Variants in RPH3A observed in about 807,000 individuals in gnomAD.
RPH3A encodes rabphilin-3A.
RPH3A carries 48 observed loss-of-function variants against 102.2 expected under a neutral mutation model. The observed-to-expected ratio is 0.47, with a 90% confidence interval of 0.37 to 0.60. The LOEUF (loss-of-function observed/expected upper bound fraction) is 0.60, where lower values mean the gene tolerates loss of function less well. RPH3A is among the 20% of genes least tolerant of loss of function. The pLI is 0.00. For synonymous variants in RPH3A, 310 were observed against 324.3 expected (o/e 0.96, Z 0.47); for missense variants, 781 against 910.1 (o/e 0.86, Z 1.83).
At chr12:112,729,877 G>A in intron 1 of RPH3A, among the ~76,000 whole-genome samples, 1 of 152,198 alleles carries the variant, frequency 6.6e-6, no homozygotes, top group East Asian at 1.9e-4. Context: ...ATACCTCAGA[G>A]TGTGACCTTA....
At chr12:112,731,771 T>C (rs1309039731) in intron 1 of RPH3A, among the ~76,000 whole-genome samples, 1 of 152,222 alleles carries the variant, frequency 6.6e-6, no homozygotes, top group Non-Finnish European at 1.5e-5. Context: ...TGACATTTAA[T>C]TATGGAGACA....
At chr12:112,665,820 T>C (rs1392062550) in intron 1 of RPH3A, among the ~76,000 whole-genome samples, 1 of 152,208 alleles carries the variant, frequency 6.6e-6, no homozygotes, top group African/African-American at 2.4e-5. Flanking sequence ...TGAATTCATT[T>C]GATAAAAAGG....
intron 13 of RPH3A, among the ~76,000 whole-genome samples, chr12:112,877,875 C>T (rs2042835569): frequency 1.3e-5 from 2 of 152,262 alleles, no homozygotes; most frequent in South Asian, 4.1e-4. Flanking sequence ...TTGTGCTGGG[C>T]ACTATTCTGA....
At chr12:112,873,423 T>A (rs1593111974) in intron 10 of RPH3A, among the ~76,000 whole-genome samples, 1 of 152,338 alleles carries the variant, frequency 6.6e-6, no homozygotes, top group East Asian at 1.9e-4. Flanking sequence ...AGCAGCTCAG[T>A]AAAACAAATT....
At chr12:112,685,412 G>A (rs2040256463) in intron 1 of RPH3A, among the ~76,000 whole-genome samples, 1 of 152,190 alleles carries the variant, frequency 6.6e-6, no homozygotes, top group African/African-American at 2.4e-5. Flanking sequence ...GTAAGTCTCA[G>A]CCACTGTGGC....
At chr12:112,726,697 A>T (rs751065294) in intron 1 of RPH3A, among the ~76,000 whole-genome samples, 1 of 152,200 alleles carries the variant, frequency 6.6e-6, no homozygotes, top group Admixed American at 6.5e-5. Flanking sequence ...ATTTTATCTC[A>T]AAGTATTTTA....
At chr12:112,652,593 C>T (rs1461019295) in intron 1 of RPH3A, among the ~76,000 whole-genome samples, 1 of 152,204 alleles carries the variant, frequency 6.6e-6, no homozygotes, top group Non-Finnish European at 1.5e-5. Context: ...AGGCTCTGAT[C>T]TTGGAGAGTC....
In RPH3A at chr12:112,727,598, C is replaced by T. The variant is rs146321734; in HGVS notation, c.-139-64545C>T. ...GAGAAAATGATAGGTGTTTCTTTCC[C>T]ATGGAAAGAAACTTAAACTTAAGTT... On this transcript the variant is annotated intron_variant, in intron 1 of 21. Transcript: ENST00000543106. Among the ~76,000 whole-genome samples, 1,221 of 149,466 alleles carry T rather than the reference C, an allele frequency of 8.2e-3. 62 individuals carry two copies. Among genetic ancestry groups the T allele is most frequent in the Admixed American group, 0.073 (1,091 of 14,908 alleles).
At chr12:112,895,589 CAGAG>C in intron 20 of RPH3A, 184 bp from the exon 21 acceptor site, 1 of 548,696 alleles carries the variant, frequency 1.8e-6, no homozygotes, top group Non-Finnish European at 3.3e-6. Context: ...CTTTGTTACA[CAGAG>C]TGTTTGTTGG....
At chr12:112,892,502 A>G (rs1827690802) in intron 19 of RPH3A, among the ~76,000 whole-genome samples, 1 of 152,214 alleles carries the variant, frequency 6.6e-6, no homozygotes, top group Non-Finnish European at 1.5e-5. Flanking sequence ...ATCCTTGAGC[A>G]CAGTCACCCA....
chr12:112,805,453 A>T (rs2041441018), intron 2 of RPH3A, among the ~76,000 whole-genome samples: 1 of 152,198 alleles, frequency 6.6e-6, no homozygotes, highest in African/African-American at 2.4e-5. Context: ...TCATTCTGGG[A>T]GGAGGATGAA....
At chr12:112,576,238 G>C (rs771852465) in intron 1 of RPH3A, among the ~76,000 whole-genome samples, 1 of 152,210 alleles carries the variant, frequency 6.6e-6, no homozygotes, top group Non-Finnish European at 1.5e-5. Flanking sequence ...TCTTAACCAC[G>C]CTGCTGTGCT....
chr12:112,693,763 T>C (rs2040324650), intron 1 of RPH3A, among the ~76,000 whole-genome samples: 1 of 152,206 alleles, frequency 6.6e-6, no homozygotes, highest in Non-Finnish European at 1.5e-5. Flanking sequence ...CATCCCATTA[T>C]CTAGGTTTAT....
At chr12:112,823,474 G>GT (rs1358591692) in intron 2 of RPH3A, among the ~76,000 whole-genome samples, 2 of 152,142 alleles carry the variant, frequency 1.3e-5, no homozygotes, top group Admixed American at 6.5e-5. Flanking sequence ...TCAGAAAATT[G>GT]TAAGTCATCA....
At position 112,607,010 on chromosome 12, in the gene RPH3A, C is replaced by T. The variant is rs535558215; in HGVS notation, c.-140+31691C>T. 2.1e-3 allele frequency among the ~76,000 whole-genome samples: 323 copies of T among 152,270 alleles called. 2 individuals carry two copies. Among genetic ancestry groups the T allele is most frequent in the African/African-American group, 7.1e-3 (295 of 41,544 alleles). ...TAAAATGGGGATAAAACAGTACCTA[C>T]TTCATAGGACCTTTAAGGGGGGGAT... On this transcript the variant is annotated intron_variant, in intron 1 of 21. Coordinates refer to the RPH3A transcript ENST00000543106.
intron 1 of RPH3A, among the ~76,000 whole-genome samples, chr12:112,708,465 C>A (rs116623375): frequency 6.6e-6 from 1 of 152,046 alleles, no homozygotes; most frequent in Non-Finnish European, 1.5e-5. Flanking sequence ...AAAATGGGGG[C>A]GTACAAGGGA....
Position 112,727,493 on chromosome 12 carries a change from A to AGCC in RPH3A, c.-139-64650_-139-64649insGCC, listed in dbSNP as rs1555204993. Among the ~76,000 whole-genome samples, 34 of 41,566 alleles carry AGCC rather than the reference A, an allele frequency of 8.2e-4. 1 individual carries two copies. Among genetic ancestry groups the AGCC allele is most frequent in the South Asian group, 2.3e-3 (2 of 868 alleles). The allele number at this position is 41,566 out of a possible 152,430, so 27.3% of individuals were successfully genotyped here. A position where few individuals can be genotyped will look rare whatever the true frequency, so the allele number is the denominator to read the frequency against. On this transcript the variant is annotated intron_variant, in intron 1 of 21. Coordinates refer to the RPH3A transcript ENST00000543106. ...CACACACACACACACACACACACAG[A>AGCC]CCCCCCCCCCCCACACACATATATA... is the stretch of plus-strand genomic sequence containing the variant.
chr12:112,828,752 A>G (rs1434205887), intron 3 of RPH3A, among the ~76,000 whole-genome samples: 1 of 152,240 alleles, frequency 6.6e-6, no homozygotes, highest in Non-Finnish European at 1.5e-5. Context: ...CAAATAAGGA[A>G]GTTGCACTAG....
At chr12:112,673,718 A>G (rs1407604891) in intron 1 of RPH3A, among the ~76,000 whole-genome samples, 1 of 152,172 alleles carries the variant, frequency 6.6e-6, no homozygotes, top group African/African-American at 2.4e-5. Flanking sequence ...TAAAATGTAC[A>G]GTTAAGTTAT....
Sources: gnomAD v4.1 joint callset for allele counts (sites outside exome capture counted in the v4.1 genomes callset) on GRCh38, gnomAD v4.1.1 for gene constraint, MANE v1.5 for transcripts, NCBI Gene and HGNC (gene_info 2026-07-23, HGNC 2026-07-21) for gene names.